Variants in ADIPOR2 observed in about 807,000 individuals in gnomAD.
The protein encoded by ADIPOR2 is adiponectin receptor protein 2.
In ADIPOR2, 18 loss-of-function variants were observed where a neutral mutation model predicts 40.9. The ratio of observed to expected loss-of-function variants is 0.44; its 90% CI spans 0.30 to 0.65. The LOEUF (loss-of-function observed/expected upper bound fraction) is 0.65. Ranked by LOEUF, ADIPOR2 falls within the 30% of genes least tolerant of loss-of-function variation. The probability of loss-of-function intolerance (pLI) is 0.09; values close to 1 mark genes in which losing one functional copy is unlikely to be tolerated. For synonymous variants in ADIPOR2, 165 were observed against 166.4 expected (o/e 0.99, Z 0.06); for missense variants, 283 against 479.2 (o/e 0.59, Z 3.82).
intron 1 of ADIPOR2, among the ~76,000 whole-genome samples, chr12:1,718,161 A>C (rs910615400): frequency 6.6e-6 from 1 of 152,166 alleles, no homozygotes; most frequent in Non-Finnish European, 1.5e-5. Context: ...TAGGCTTAAA[A>C]AAATTATCCT....
intron 1 of ADIPOR2, among the ~76,000 whole-genome samples, chr12:1,753,008 A>T (rs865913415): frequency 6.6e-6 from 1 of 152,166 alleles, no homozygotes; most frequent in Non-Finnish European, 1.5e-5. Context: ...CCTTGGAGAA[A>T]TCCTACAGCA....
At chr12:1,708,451 C>T (rs1254609718) in intron 1 of ADIPOR2, among the ~76,000 whole-genome samples, 1 of 152,088 alleles carries the variant, frequency 6.6e-6, no homozygotes, top group Non-Finnish European at 1.5e-5. Flanking sequence ...TTAGCTACAC[C>T]AAGGTTGTAA....
chr12:1,748,356 C>T (rs1353997867), intron 1 of ADIPOR2, among the ~76,000 whole-genome samples: 1 of 152,110 alleles, frequency 6.6e-6, no homozygotes, highest in Non-Finnish European at 1.5e-5. Context: ...TCACGCCATT[C>T]TCCTGCCTCA....
At chr12:1,784,352 T>C (rs1862787319) in intron 7 of ADIPOR2, among the ~76,000 whole-genome samples, 1 of 152,266 alleles carries the variant, frequency 6.6e-6, no homozygotes, top group Non-Finnish European at 1.5e-5. Context: ...ATGTCTTCAT[T>C]TTACAAAGCA....
chr12:1,737,731 T>C (rs1452785100), intron 1 of ADIPOR2, among the ~76,000 whole-genome samples: 3 of 152,116 alleles, frequency 2.0e-5, no homozygotes, highest in Non-Finnish European at 4.4e-5. Flanking sequence ...TTTGTATTTT[T>C]AGTAGAGATG....
rs1429814091 is a variant in ADIPOR2 at position 1,781,050 on chromosome 12, C to T, written c.812C>T (p.Thr271Ile). Reference sequence around the variant, plus strand: ...GTCTCCCAGTGGGACATGTTTGCCACCCCTCAGTATCGGGGAGTAAGAGCA... The same window carrying T: ...GTCTCCCAGTGGGACATGTTTGCCATCCCTCAGTATCGGGGAGTAAGAGCA... ...IIVSQWDMFATPQYRGVRAGV... is the reference protein window; with the variant it reads ...IIVSQWDMFAIPQYRGVRAGV... The change falls in exon 6 of 8, where the codon ACC becomes ATC. Residue 271 changes from threonine (T) to isoleucine (I), a missense_variant. Physicochemically the swap from Thr to Ile is moderately conservative, Grantham distance 89 (BLOSUM62 -1). Transcript: ENST00000357103. The T allele has an allele frequency of 6.2e-7, 1 of 1,610,494 alleles. No homozygotes were observed. The highest frequency in any genetic ancestry group is 8.5e-7 in the Non-Finnish European group (1 of 1,178,684).
intron 1 of ADIPOR2, among the ~76,000 whole-genome samples, chr12:1,745,426 A>T (rs1173597151): frequency 6.6e-6 from 1 of 152,208 alleles, no homozygotes; most frequent in South Asian, 2.1e-4. Context: ...TGTTCAACTT[A>T]AATTTTTTTG....
At chr12:1,769,603 C>T (rs1467596863) in intron 2 of ADIPOR2, among the ~76,000 whole-genome samples, 4 of 150,394 alleles carry the variant, frequency 2.7e-5, no homozygotes, top group African/African-American at 7.3e-5. Flanking sequence ...TGCAATGGCA[C>T]GATCTCGGCT....
intron 1 of ADIPOR2, among the ~76,000 whole-genome samples, chr12:1,709,067 A>G (rs1280005037): frequency 2.0e-5 from 3 of 152,248 alleles, no homozygotes; most frequent in Admixed American, 6.5e-5. Context: ...CTGTAGCTTT[A>G]TGGTAAATTT....
chr12:1,746,682 A>G (rs965070619), intron 1 of ADIPOR2, among the ~76,000 whole-genome samples: 5 of 152,204 alleles, frequency 3.3e-5, no homozygotes, highest in African/African-American at 1.2e-4. Context: ...GGAGACTTTA[A>G]TATGCCACTT....
intron 1 of ADIPOR2, among the ~76,000 whole-genome samples, chr12:1,736,019 G>C (rs1359766346): frequency 6.6e-6 from 1 of 152,130 alleles, no homozygotes; most frequent in East Asian, 1.9e-4. Flanking sequence ...GAGGATCTTT[G>C]CATCGATGTT....
chr12:1,731,360 A>G (rs2154442558), intron 1 of ADIPOR2, among the ~76,000 whole-genome samples: 1 of 152,332 alleles, frequency 6.6e-6, no homozygotes, highest in African/African-American at 2.4e-5. Context: ...AATACACGTA[A>G]CATAAAATTT....
intron 2 of ADIPOR2, among the ~76,000 whole-genome samples, chr12:1,755,496 T>C (rs1173796452): frequency 6.6e-6 from 1 of 152,256 alleles, no homozygotes; most frequent in Non-Finnish European, 1.5e-5. Flanking sequence ...TCTGTTATTT[T>C]TGGAGAAATT....
chr12:1,695,033 G>GTTTT (rs1337852552), intron 1 of ADIPOR2, among the ~76,000 whole-genome samples: 1 of 67,540 alleles, frequency 1.5e-5, no homozygotes, highest in African/African-American at 3.9e-5. Flanking sequence ...TTTTTGTTTT[G>GTTTT]TTTTTTTAAG....
chr12:1,733,025 T>C (rs1410465577), intron 1 of ADIPOR2, among the ~76,000 whole-genome samples: 2 of 152,308 alleles, frequency 1.3e-5, no homozygotes, highest in South Asian at 2.1e-4. Context: ...AGTTTCACAA[T>C]GGGAAACCTT....
At chr12:1,771,531 A>C (rs557983085) in intron 2 of ADIPOR2, among the ~76,000 whole-genome samples, 4 of 152,214 alleles carry the variant, frequency 2.6e-5, no homozygotes, top group Non-Finnish European at 5.9e-5. Flanking sequence ...AGTTTTAGGT[A>C]AACAAAGATG....
At chr12:1,769,113 G>C (rs1198978134) in intron 2 of ADIPOR2, among the ~76,000 whole-genome samples, 1 of 152,154 alleles carries the variant, frequency 6.6e-6, no homozygotes, top group Non-Finnish European at 1.5e-5. Flanking sequence ...CTGTGGTTTG[G>C]TGGCTGTTGG....
chr12:1,733,040 G>C (rs1327760427), intron 1 of ADIPOR2, among the ~76,000 whole-genome samples: 1 of 152,158 alleles, frequency 6.6e-6, no homozygotes, highest in Non-Finnish European at 1.5e-5. Flanking sequence ...AACCTTGTTA[G>C]ATTTACAGTG....
intron 1 of ADIPOR2, among the ~76,000 whole-genome samples, chr12:1,735,503 A>G (rs1168212279): frequency 6.6e-6 from 1 of 152,152 alleles, no homozygotes; most frequent in Non-Finnish European, 1.5e-5. Context: ...GGGCTGAGAC[A>G]ATGGGGTTTT....
Sources: allele counts gnomAD v4.1 joint callset (sites outside exome capture counted in the v4.1 genomes callset), GRCh38; gene constraint gnomAD v4.1.1; transcripts MANE v1.5; gene names NCBI Gene and HGNC (gene_info 2026-07-23, HGNC 2026-07-21).